Variants in MSRA observed in about 807,000 individuals in gnomAD.
The protein encoded by MSRA is methionine sulfoxide reductase A, also known as mitochondrial peptide methionine sulfoxide reductase.
Under a neutral mutation model 31.3 loss-of-function variants are expected in MSRA, and 54 were observed. The observed-to-expected ratio is 1.73, with a 90% CI of 1.39 to 2.17. MSRA has a LOEUF of 2.17. Among genes scored for constraint, MSRA ranks in the 30% most tolerant of loss-of-function variants. The probability of loss-of-function intolerance (pLI) is 0.00; values close to 1 mark genes in which losing one functional copy is unlikely to be tolerated. For synonymous variants in MSRA, 169 were observed against 116.5 expected, an observed-to-expected ratio of 1.45 and a Z score of -2.90; for missense variants, 507 against 300.9, an observed-to-expected ratio of 1.69 and a Z score of -5.07.
chr8:10,078,724 C>G (rs980412273), intron 1 of MSRA, among the ~76,000 whole-genome samples: 1 of 152,226 alleles, frequency 6.6e-6, no homozygotes, highest in Admixed American at 6.5e-5. Context: ...ATTTTTCTGC[C>G]CTTCCCATGG....
chr8:10,283,694 T>C (rs1191914225), intron 3 of MSRA, among the ~76,000 whole-genome samples: 1 of 151,008 alleles, frequency 6.6e-6, no homozygotes, highest in Non-Finnish European at 1.5e-5. Context: ...ATACAATGTT[T>C]TTTTTTCCAT....
intron 1 of MSRA, among the ~76,000 whole-genome samples, chr8:10,144,453 A>G (rs1183324014): frequency 6.6e-6 from 1 of 152,208 alleles, no homozygotes; most frequent in Non-Finnish European, 1.5e-5. Flanking sequence ...TGAAGCGCTT[A>G]GACTGGTGAC....
At chr8:10,426,639 G>A (rs1809184180) in intron 5 of MSRA, among the ~76,000 whole-genome samples, 2 of 152,246 alleles carry the variant, frequency 1.3e-5, no homozygotes, top group Admixed American at 6.5e-5. Flanking sequence ...TGCAGTCTGC[G>A]AGCTTTCCGC....
At chr8:10,127,434 G>C (rs1563127136) in intron 1 of MSRA, among the ~76,000 whole-genome samples, 1 of 152,194 alleles carries the variant, frequency 6.6e-6, no homozygotes, top group African/African-American at 2.4e-5. Context: ...GGATGAAGGA[G>C]AAACAGCTTC....
intron 2 of MSRA, among the ~76,000 whole-genome samples, chr8:10,240,924 G>A (rs774026078): frequency 5.9e-5 from 9 of 152,104 alleles, no homozygotes; most frequent in Non-Finnish European, 1.2e-4. Context: ...AAGTGAGGGA[G>A]GGAGTTGGTG....
At chr8:10,179,758 G>A (rs892611772) in intron 1 of MSRA, among the ~76,000 whole-genome samples, 17 of 152,306 alleles carry the variant, frequency 1.1e-4, no homozygotes, top group African/African-American at 4.1e-4. Context: ...TGCTGACTTT[G>A]TGGGTTGAGG....
At chr8:10,263,729 C>G (rs776593494) in intron 3 of MSRA, among the ~76,000 whole-genome samples, 1 of 152,084 alleles carries the variant, frequency 6.6e-6, no homozygotes, top group Non-Finnish European at 1.5e-5. Context: ...AGGGAAAGAG[C>G]TGAGTAGGAC....
At chr8:10,264,828 A>C (rs1158103845) in intron 3 of MSRA, among the ~76,000 whole-genome samples, 1 of 152,204 alleles carries the variant, frequency 6.6e-6, no homozygotes, top group African/African-American at 2.4e-5. Context: ...AAAGTCAGTT[A>C]AACAGTTAGA....
chr8:10,248,985 G>A (rs1797775058), intron 3 of MSRA, among the ~76,000 whole-genome samples: 1 of 152,160 alleles, frequency 6.6e-6, no homozygotes, highest in African/African-American at 2.4e-5. Flanking sequence ...GTAACCTAGT[G>A]GAATGCCCTG....
intron 5 of MSRA, among the ~76,000 whole-genome samples, chr8:10,353,249 G>A (rs147100413): frequency 6.6e-4 from 101 of 152,338 alleles, no homozygotes; most frequent in African/African-American, 2.3e-3. Flanking sequence ...CCAATTTCTT[G>A]AGGAGACAGT....
At chr8:10,254,535 T>G (rs941646400) in intron 3 of MSRA, among the ~76,000 whole-genome samples, 1 of 152,168 alleles carries the variant, frequency 6.6e-6, no homozygotes, top group Non-Finnish European at 1.5e-5. Context: ...CATGACCACT[T>G]TGTAATCCAC....
intron 5 of MSRA, among the ~76,000 whole-genome samples, chr8:10,405,841 A>G (rs1807778555): frequency 2.0e-5 from 3 of 152,170 alleles, no homozygotes. Context: ...GTAATCACAG[A>G]CATGCTCACA....
At chr8:10,141,344 C>T (rs929180883) in intron 1 of MSRA, among the ~76,000 whole-genome samples, 5 of 152,204 alleles carry the variant, frequency 3.3e-5, no homozygotes, top group Non-Finnish European at 1.5e-5. Flanking sequence ...GTTTCCATGA[C>T]TTGTGTGATA....
At chr8:10,295,016 A>G (rs190089519) in intron 3 of MSRA, among the ~76,000 whole-genome samples, 93 of 152,308 alleles carry the variant, frequency 6.1e-4, no homozygotes, top group Admixed American at 1.2e-3. Context: ...GGACAAGTCC[A>G]GCTTGGCGAT....
intron 1 of MSRA, among the ~76,000 whole-genome samples, chr8:10,132,437 T>C (rs952010229): frequency 6.6e-6 from 1 of 152,164 alleles, no homozygotes; most frequent in Non-Finnish European, 1.5e-5. Flanking sequence ...CAGCATACCG[T>C]AGGCTGGGTG....
At chr8:10,284,033 G>A (rs1799799969) in intron 3 of MSRA, among the ~76,000 whole-genome samples, 1 of 151,608 alleles carries the variant, frequency 6.6e-6, no homozygotes, top group Admixed American at 6.6e-5. Flanking sequence ...GGGATTGCTG[G>A]ATCAAATGGT....
intron 5 of MSRA, among the ~76,000 whole-genome samples, chr8:10,354,196 C>T (rs565082724): frequency 6.6e-6 from 1 of 152,190 alleles, no homozygotes; most frequent in African/African-American, 2.4e-5. Context: ...TTTACTTGCA[C>T]TTAGGAAAGC....
intron 1 of MSRA, among the ~76,000 whole-genome samples, chr8:10,146,990 G>C (rs1456063243): frequency 2.0e-5 from 3 of 152,234 alleles, no homozygotes; most frequent in African/African-American, 7.2e-5. Context: ...TCTGGAAGCT[G>C]GGACGCCAGC....
chr8:10,412,894 C>A (rs1808239824), intron 5 of MSRA, among the ~76,000 whole-genome samples: 2 of 152,182 alleles, frequency 1.3e-5, no homozygotes, highest in African/African-American at 4.8e-5. Flanking sequence ...CACAAAGTGG[C>A]ATGATCAGTT....
Sources: gnomAD v4.1 joint callset for allele counts (sites outside exome capture counted in the v4.1 genomes callset) on GRCh38, gnomAD v4.1.1 for gene constraint, MANE v1.5 for transcripts, NCBI Gene and HGNC (gene_info 2026-07-23, HGNC 2026-07-21) for gene names.